CFAP61: variants seen among roughly 807,000 people sequenced by gnomAD.
CFAP61 encodes the protein cilia- and flagella-associated protein 61.
CFAP61 carries 107 observed loss-of-function variants against 135.6 expected under a neutral mutation model. The ratio of observed to expected loss-of-function variants is 0.79; its 90% CI spans 0.67 to 0.93. The LOEUF (loss-of-function observed/expected upper bound fraction) is 0.93, where lower values mean the gene tolerates loss of function less well. Ranked by LOEUF, CFAP61 falls within the 40% of genes least tolerant of loss-of-function variation. The pLI is 0.00. For missense variants in CFAP61, 1,507 were observed against 1,556.2 expected (o/e 0.97, Z 0.53); for synonymous variants, 575 against 578.5 (o/e 0.99, Z 0.09).
chr20:20,275,105 G>A (rs893962404), intron 21 of CFAP61, among the ~76,000 whole-genome samples: 1 of 152,116 alleles, frequency 6.6e-6, no homozygotes, highest in African/African-American at 2.4e-5. Flanking sequence ...CATGTGCCTG[G>A]GCCCTTGTGC....
chr20:20,318,334 A>T (rs779051238), intron 25 of CFAP61, among the ~76,000 whole-genome samples: 8 of 152,342 alleles, frequency 5.3e-5, no homozygotes, highest in Admixed American at 1.3e-4. Flanking sequence ...CAGAGTTTTT[A>T]AAAAAATCAT....
chr20:20,355,295 A>AGGT (rs1338788061), intron 26 of CFAP61, among the ~76,000 whole-genome samples: 3 of 106,536 alleles, frequency 2.8e-5, no homozygotes, highest in African/African-American at 1.1e-4. Flanking sequence ...CTGTGAGGGG[A>AGGT]GGTCACACTG....
At chr20:20,090,675 T>G (rs1600571858) in intron 6 of CFAP61, among the ~76,000 whole-genome samples, 169 bp from the exon 7 acceptor site, 1 of 114,740 alleles carries the variant, frequency 8.7e-6, no homozygotes. Flanking sequence ...GGCAACAGAG[T>G]GAGACTCCCT....
At chr20:20,206,798 A>G (rs2056876134) in intron 17 of CFAP61, among the ~76,000 whole-genome samples, 1 of 152,068 alleles carries the variant, frequency 6.6e-6, no homozygotes, top group Non-Finnish European at 1.5e-5. Flanking sequence ...GTCTATACCT[A>G]CAAGTGGGAC....
intron 26 of CFAP61, among the ~76,000 whole-genome samples, chr20:20,342,136 T>A (rs1370108516): frequency 6.6e-6 from 1 of 152,222 alleles, no homozygotes; most frequent in Non-Finnish European, 1.5e-5. Flanking sequence ...GGGGCAAATT[T>A]CTTTTTCCTT....
chr20:20,164,512 A>G (rs1158295587), intron 11 of CFAP61, among the ~76,000 whole-genome samples: 2 of 152,208 alleles, frequency 1.3e-5, no homozygotes, highest in Non-Finnish European at 2.9e-5. Context: ...CCATTCTGTA[A>G]AGTTTGCATC....
intron 20 of CFAP61, among the ~76,000 whole-genome samples, chr20:20,255,309 G>A (rs938102694): frequency 6.6e-6 from 1 of 152,284 alleles, no homozygotes. Context: ...GCCTGGATTT[G>A]AGGAACCTCA....
At chr20:20,190,987 G>C (rs915482829) in intron 14 of CFAP61, among the ~76,000 whole-genome samples, 3 of 151,890 alleles carry the variant, frequency 2.0e-5, no homozygotes, top group Non-Finnish European at 4.4e-5. Flanking sequence ...AGCATGATGG[G>C]GCACGCCTGT....
intron 22 of CFAP61, among the ~76,000 whole-genome samples, chr20:20,284,901 T>A (rs967025416): frequency 6.6e-6 from 1 of 152,248 alleles, no homozygotes; most frequent in African/African-American, 2.4e-5. Flanking sequence ...AATTTTCTTG[T>A]TCTATCTTCC....
At chr20:20,346,304 G>A (rs925381307) in intron 26 of CFAP61, among the ~76,000 whole-genome samples, 1 of 150,068 alleles carries the variant, frequency 6.7e-6, no homozygotes, top group Non-Finnish European at 1.5e-5. Context: ...ATCGCCCGAG[G>A]TCAGGAGTTC....
At chr20:20,245,478 A>G (rs994767673) in intron 18 of CFAP61, among the ~76,000 whole-genome samples, 2 of 152,194 alleles carry the variant, frequency 1.3e-5, no homozygotes, top group African/African-American at 2.4e-5. Context: ...CTTACTCACT[A>G]TCATGAGAAC....
chr20:20,252,958 C>T (rs6046758), intron 20 of CFAP61, among the ~76,000 whole-genome samples: 128,609 of 152,228 alleles, frequency 0.84, 54,895 homozygotes, highest in African/African-American at 0.96. Context: ...CAGTATTTTT[C>T]AGGTGCCCCA....
At chr20:20,160,910 C>T (rs2053343464) in intron 10 of CFAP61, among the ~76,000 whole-genome samples, 1 of 152,168 alleles carries the variant, frequency 6.6e-6, no homozygotes, top group South Asian at 2.1e-4. Flanking sequence ...GGTGGGACCA[C>T]TCTGCACTGT....
chr20:20,307,369 A>T (rs2056537629), intron 25 of CFAP61, among the ~76,000 whole-genome samples: 1 of 152,236 alleles, frequency 6.6e-6, no homozygotes, highest in Non-Finnish European at 1.5e-5. Flanking sequence ...ACATCATGGG[A>T]TAGAAGTATA....
chr20:20,233,441 G>A (rs1390211733), intron 18 of CFAP61, among the ~76,000 whole-genome samples: 1 of 152,176 alleles, frequency 6.6e-6, no homozygotes, highest in Non-Finnish European at 1.5e-5. Context: ...GCATGTGCAG[G>A]GCCGTCCTCC....
At chr20:20,218,308 C>G (rs1351797383) in intron 17 of CFAP61, among the ~76,000 whole-genome samples, 3 of 152,202 alleles carry the variant, frequency 2.0e-5, no homozygotes, top group Non-Finnish European at 2.9e-5. Flanking sequence ...TCAGGGGTTT[C>G]TACTTTTGCT....
At chr20:20,059,288 A>G (rs1568796276) in intron 2 of CFAP61, among the ~76,000 whole-genome samples, 4 of 126,732 alleles carry the variant, frequency 3.2e-5, no homozygotes, top group Non-Finnish European at 6.3e-5. Context: ...AGATTGCACT[A>G]CTGCACACTC....
intron 13 of CFAP61, among the ~76,000 whole-genome samples, chr20:20,175,087 A>G (rs1399836186): frequency 1.3e-5 from 2 of 152,188 alleles, no homozygotes; most frequent in Admixed American, 1.3e-4. Context: ...GCTCAGTGAC[A>G]TTGCACCCTT....
In CFAP61 at chr20:20,167,908, A is replaced by G. The variant is rs576654849; in HGVS notation, c.1246-1413A>G. Among the ~76,000 whole-genome samples the G allele has an allele frequency of 6.6e-5, 10 of 152,314 alleles. No homozygotes were observed. The East Asian group carries it at 1.9e-3, about 29-fold the overall frequency. Reference sequence around the variant, plus strand: ...GGAAGAGCAGGCTGCTTCTGCAGGGACCTGGCAGAGGATCAGGCAGCTGCG... The same window carrying G: ...GGAAGAGCAGGCTGCTTCTGCAGGGGCCTGGCAGAGGATCAGGCAGCTGCG... On this transcript the variant is annotated intron_variant, in intron 12 of 26. Transcript: ENST00000245957.
Sources: allele counts gnomAD v4.1 joint callset (sites outside exome capture counted in the v4.1 genomes callset), GRCh38; gene constraint gnomAD v4.1.1; transcripts MANE v1.5; gene names NCBI Gene and HGNC (gene_info 2026-07-23, HGNC 2026-07-21).